Variants in TBC1D22A observed in about 807,000 individuals in gnomAD.
TBC1D22A encodes putative GTPase activator.
Under a neutral mutation model 60.2 loss-of-function variants are expected in TBC1D22A, and 38 were observed. That is an observed-to-expected ratio of 0.63 (90% CI 0.49 to 0.83). The LOEUF is 0.83. Among genes scored for constraint, TBC1D22A ranks in the 40% least tolerant of loss-of-function variants. The pLI is 0.00. For missense variants in TBC1D22A, 628 were observed against 701.0 expected (o/e 0.90, Z 1.18); for synonymous variants, 302 against 281.7 (o/e 1.07, Z -0.72).
chr22:47,114,535 C>A (rs1162191438), intron 12 of TBC1D22A, among the ~76,000 whole-genome samples: 1 of 152,026 alleles, frequency 6.6e-6, no homozygotes, highest in African/African-American at 2.4e-5. Flanking sequence ...ACAGAAGTTA[C>A]AAACCTGAGG....
intron 12 of TBC1D22A, among the ~76,000 whole-genome samples, chr22:47,120,173 T>C (rs1470410102): frequency 6.6e-6 from 1 of 152,144 alleles, no homozygotes; most frequent in Non-Finnish European, 1.5e-5. Context: ...CTCAATCCCA[T>C]GATACCTTAA....
At chr22:46,771,963 ATTG>A (rs1426540751) in intron 1 of TBC1D22A, among the ~76,000 whole-genome samples, 1 of 151,942 alleles carries the variant, frequency 6.6e-6, no homozygotes. Flanking sequence ...TTTACCCAGA[ATTG>A]TTGTCTCCAA....
chr22:47,078,722 G>T (rs538113675), intron 11 of TBC1D22A, among the ~76,000 whole-genome samples: 4 of 152,300 alleles, frequency 2.6e-5, no homozygotes, highest in Admixed American at 1.3e-4. Context: ...TGCACTACCT[G>T]TGGTGACAGT....
intron 4 of TBC1D22A, among the ~76,000 whole-genome samples, chr22:46,872,626 A>G (rs557594296): frequency 6.6e-6 from 1 of 152,358 alleles, no homozygotes; most frequent in African/African-American, 2.4e-5. Flanking sequence ...AATTGAATGC[A>G]GTTGCCAAGC....
intron 8 of TBC1D22A, among the ~76,000 whole-genome samples, chr22:46,930,076 AT>A (rs945022308): frequency 2.6e-5 from 4 of 152,052 alleles, no homozygotes; most frequent in Non-Finnish European, 5.9e-5. Context: ...GAACCTGTAT[AT>A]TGTCATAAGC....
At chr22:46,868,472 G>GA (rs1171382964) in intron 4 of TBC1D22A, among the ~76,000 whole-genome samples, 2 of 151,994 alleles carry the variant, frequency 1.3e-5, no homozygotes, top group African/African-American at 2.4e-5. Context: ...CTAAAATCTG[G>GA]AAAAAAACCC....
intron 9 of TBC1D22A, among the ~76,000 whole-genome samples, chr22:46,983,998 C>T (rs2074615653): frequency 6.6e-6 from 1 of 152,016 alleles, no homozygotes; most frequent in African/African-American, 2.4e-5. Context: ...GCTTTCTGGG[C>T]AGTGGAAGCT....
rs2068748855 is a variant in TBC1D22A, at chr22:46,897,639, T to TTTTTTTTTC, written c.900+2793_900+2794insTTTTTTTTC. Among the ~76,000 whole-genome samples, 2 of 135,796 alleles carry TTTTTTTTTC rather than the reference T, an allele frequency of 1.5e-5. 1 individual carries two copies. The highest frequency in any genetic ancestry group is 5.6e-5 in the African/African-American group (2 of 35,614). The allele number at this position is 135,796 out of a possible 152,430, so 89.1% of individuals were successfully genotyped here. On this transcript the variant is annotated intron_variant, in intron 7 of 12. Coordinates refer to ENST00000337137, the MANE Select transcript of TBC1D22A (RefSeq NM_014346.5). ...TGTTTTTTTTTGTTTTGTTTCGTTT[T>TTTTTTTTTC]GTTTTTTTTTGTGTTTTTTTTTTTT...
At chr22:46,997,749 G>C (rs769974975) in intron 10 of TBC1D22A, 40 bp downstream of exon 10, 140 of 1,597,524 alleles carry the variant, frequency 8.8e-5, no homozygotes, top group Non-Finnish European at 1.1e-4. Context: ...TGTGGGCGGG[G>C]GGAGGTGGCC....
At chr22:46,942,869 A>G (rs1448493881) in intron 8 of TBC1D22A, among the ~76,000 whole-genome samples, 1 of 152,242 alleles carries the variant, frequency 6.6e-6, no homozygotes, top group Non-Finnish European at 1.5e-5. Flanking sequence ...AAGATGAAGT[A>G]TCTGTATTTC....
chr22:46,779,295 C>T (rs801621), intron 1 of TBC1D22A, among the ~76,000 whole-genome samples: 25,267 of 152,140 alleles, frequency 0.17, 3,021 homozygotes, highest in African/African-American at 0.33. Flanking sequence ...TATAGTCTTA[C>T]AGGACCATGG....
intron 9 of TBC1D22A, among the ~76,000 whole-genome samples, chr22:46,982,769 G>A (rs2074565251): frequency 6.6e-6 from 1 of 152,224 alleles, no homozygotes; most frequent in Non-Finnish European, 1.5e-5. Flanking sequence ...CCTAAACTAG[G>A]TGGTGGCGGG....
At chr22:47,103,656 C>T (rs1198351339) in intron 11 of TBC1D22A, among the ~76,000 whole-genome samples, 6 of 152,118 alleles carry the variant, frequency 3.9e-5, no homozygotes, top group African/African-American at 9.7e-5. Context: ...ATATAGGAGT[C>T]GCAGTGGCAT....
intron 4 of TBC1D22A, among the ~76,000 whole-genome samples, chr22:46,808,068 C>G (rs146148557): frequency 2.4e-3 from 365 of 152,280 alleles, no homozygotes; most frequent in African/African-American, 8.3e-3. Flanking sequence ...AACAGAAATG[C>G]AGTAAGGGGC....
chr22:47,013,754 C>T (rs532471723), intron 10 of TBC1D22A, among the ~76,000 whole-genome samples: 1 of 152,338 alleles, frequency 6.6e-6, no homozygotes, highest in African/African-American at 2.4e-5. Context: ...TTGGAGGGCA[C>T]ATCCCGTCTT....
intron 4 of TBC1D22A, among the ~76,000 whole-genome samples, chr22:46,821,053 C>CTT (rs139587): frequency 2.3e-3 from 281 of 123,916 alleles, no homozygotes; most frequent in African/African-American, 7.7e-3. Context: ...GCAACCCCTG[C>CTT]TTTTTTTTTT....
chr22:46,840,270 C>G (rs892100481), intron 4 of TBC1D22A, among the ~76,000 whole-genome samples: 1 of 152,050 alleles, frequency 6.6e-6, no homozygotes, highest in East Asian at 1.9e-4. Flanking sequence ...ACCAAACAAA[C>G]TAAATAACCT....
intron 12 of TBC1D22A, among the ~76,000 whole-genome samples, chr22:47,163,777 C>T (rs2068086149): frequency 6.6e-6 from 1 of 152,204 alleles, no homozygotes; most frequent in Non-Finnish European, 1.5e-5. Context: ...GGATCTCAAG[C>T]CACCCGGTCC....
chr22:47,014,169 C>T (rs1229540181), intron 10 of TBC1D22A, among the ~76,000 whole-genome samples: 1 of 152,224 alleles, frequency 6.6e-6, no homozygotes, highest in Non-Finnish European at 1.5e-5. Flanking sequence ...TGCATCCGGG[C>T]TACCCCTGGC....
Sources: gnomAD v4.1 joint callset for allele counts (sites outside exome capture counted in the v4.1 genomes callset) on GRCh38, gnomAD v4.1.1 for gene constraint, MANE v1.5 for transcripts, NCBI Gene and HGNC (gene_info 2026-07-23, HGNC 2026-07-21) for gene names.